PAG1: variants seen among roughly 807,000 people sequenced by gnomAD.
The protein encoded by PAG1 is phosphoprotein membrane anchor with glycosphingolipid microdomains 1.
A neutral mutation model predicts 31.7 loss-of-function variants in PAG1; 23 were observed. That is an observed-to-expected ratio of 0.73 (90% CI 0.52 to 1.03). PAG1 has a LOEUF of 1.03. Ranked by LOEUF, PAG1 falls within the 50% of genes least tolerant of loss-of-function variation. The pLI, the probability that PAG1 is intolerant of heterozygous loss-of-function variation, is 0.00. For synonymous variants in PAG1, 214 were observed against 210.3 expected (o/e 1.02, Z -0.15); for missense variants, 473 against 540.7 (o/e 0.87, Z 1.24).
chr8:81,091,273 C>T (rs139668808), intron 1 of PAG1, among the ~76,000 whole-genome samples: 2 of 152,040 alleles, frequency 1.3e-5, no homozygotes, highest in Middle Eastern at 3.4e-3. Flanking sequence ...TTGCACATGC[C>T]GAATTAGAGT....
intron 1 of PAG1, among the ~76,000 whole-genome samples, chr8:81,080,725 T>A (rs1490009042): frequency 1.3e-5 from 2 of 152,182 alleles, no homozygotes; most frequent in Non-Finnish European, 2.9e-5. Flanking sequence ...ATACTGCTAA[T>A]GTAAATTTAA....
chr8:81,052,639 T>C (rs1266069277), intron 2 of PAG1, among the ~76,000 whole-genome samples: 1 of 152,226 alleles, frequency 6.6e-6, no homozygotes, highest in Non-Finnish European at 1.5e-5. Context: ...ATATATTACA[T>C]AATCATTAAC....
At chr8:81,104,717 T>C (rs953515480) in intron 1 of PAG1, among the ~76,000 whole-genome samples, 1 of 152,092 alleles carries the variant, frequency 6.6e-6, no homozygotes, top group Admixed American at 6.5e-5. Flanking sequence ...TCTCCTTGCT[T>C]CTCCCCTTAA....
At position 80,993,245 on chromosome 8, in the gene PAG1, G is replaced by A; in HGVS notation, c.-18C>T. 1 of 1,593,646 alleles carries A rather than the reference G, an allele frequency of 6.3e-7. No individual in the cohort carries two copies. Among genetic ancestry groups the A allele is most frequent in the Non-Finnish European group, 8.5e-7 (1 of 1,171,240 alleles). ...GGCCCCATGGCAGGAGCAGGCACTGGCACCAGCCGAGGGAATCAGTCAGTC... is the reference window on the plus strand; with the variant it reads ...GGCCCCATGGCAGGAGCAGGCACTGACACCAGCCGAGGGAATCAGTCAGTC... On this transcript the variant is annotated 5_prime_UTR_variant, in exon 4 of 9. Coordinates refer to ENST00000220597, the MANE Select transcript of PAG1 (RefSeq NM_018440.4).
chr8:81,080,589 C>T (rs1231930063), intron 1 of PAG1, among the ~76,000 whole-genome samples: 1 of 152,098 alleles, frequency 6.6e-6, no homozygotes, highest in Non-Finnish European at 1.5e-5. Context: ...GAGGCAGTCC[C>T]TAAACATCCT....
At position 80,974,498 on chromosome 8, in the gene PAG1, T is replaced by C. The variant is rs191527498; in HGVS notation, c.*2046A>G. On this transcript the variant is annotated 3_prime_UTR_variant, in exon 9 of 9. Transcript: ENST00000220597. Reference sequence around the variant, plus strand: ...TTCTAATCAGTGATGATTGTGCTTATGCACACGACATCTTCATGGGAGAGA... The same window carrying C: ...TTCTAATCAGTGATGATTGTGCTTACGCACACGACATCTTCATGGGAGAGA... 1 of 152,372 alleles carries C rather than the reference T, an allele frequency of 6.6e-6. No individual in the cohort carries two copies. Among genetic ancestry groups the C allele is most frequent in the Non-Finnish European group, 1.5e-5 (1 of 68,040 alleles). The allele number at this position is 152,372 out of a possible 1,614,324, so 9.4% of individuals were successfully genotyped here. A position where few individuals can be genotyped will look rare whatever the true frequency, so the allele number is the denominator to read the frequency against.
rs569221351 is a variant in PAG1, at chr8:81,050,638, T to C, written c.-175+19474A>G. On this transcript the variant is annotated intron_variant, in intron 2 of 8. Transcript: ENST00000220597. ...CTGTATTTGTCTATAAGTTAATTCA[T>C]GTGCGGTAAATACATTTGGATTTAA... Among the ~76,000 whole-genome samples the C allele has an allele frequency of 1.5e-4, 23 of 152,340 alleles. No homozygotes were observed. In the South Asian group the frequency reaches 2.9e-3, roughly 19 times the overall value.
intron 2 of PAG1, among the ~76,000 whole-genome samples, chr8:81,052,409 G>A (rs1047332918): frequency 9.3e-6 from 1 of 107,272 alleles, no homozygotes; most frequent in Non-Finnish European, 1.8e-5. Context: ...TGACAAAAAC[G>A]GCATTGAGAC....
At chr8:81,039,380 G>A (rs1586181638) in intron 2 of PAG1, 1 of 152,222 alleles carries the variant, frequency 6.6e-6, no homozygotes, top group African/African-American at 2.4e-5. Flanking sequence ...TGGACACAGG[G>A]ACACCCACAC....
At chr8:81,108,351 T>C (rs1412820549) in intron 1 of PAG1, among the ~76,000 whole-genome samples, 3 of 152,218 alleles carry the variant, frequency 2.0e-5, no homozygotes, top group African/African-American at 7.2e-5. Context: ...AGGGGCTCTT[T>C]TGGGCACTTT....
At position 81,094,582 on chromosome 8, in the gene PAG1, A is replaced by G. The variant is rs141208873; in HGVS notation, c.-234+17009T>C. On this transcript the variant is annotated intron_variant, in intron 1 of 8. Coordinates refer to ENST00000220597, the MANE Select transcript of PAG1 (RefSeq NM_018440.4). ...CTTCTTTTATGGGAAAAAGAGGCCC[A>G]GAAACACCAATATTAAGATCCAAGC... Among the ~76,000 whole-genome samples, 414 of 152,316 alleles carry G rather than the reference A, an allele frequency of 2.7e-3. 3 individuals carry two copies. The highest frequency in any genetic ancestry group is 9.4e-3 in the African/African-American group (391 of 41,562).
chr8:81,026,632 A>C lies in PAG1; in HGVS notation c.-81+3364T>G, dbSNP rs934168335. Among the ~76,000 whole-genome samples, 23 of 152,126 alleles carry C rather than the reference A, an allele frequency of 1.5e-4. 1 individual carries two copies. The highest frequency in any genetic ancestry group is 5.3e-4 in the African/African-American group (22 of 41,482). On this transcript the variant is annotated intron_variant, in intron 3 of 8. Coordinates refer to ENST00000220597, the MANE Select transcript of PAG1 (RefSeq NM_018440.4). ...CCCAGCTGTCACTGGTGTGTGCTAAAGATCAGGTCTCAGTGGTTACCGGAA... is the reference window on the plus strand; with the variant it reads ...CCCAGCTGTCACTGGTGTGTGCTAACGATCAGGTCTCAGTGGTTACCGGAA...
intron 2 of PAG1, among the ~76,000 whole-genome samples, chr8:81,062,675 T>G (rs1432308662): frequency 6.7e-6 from 1 of 148,200 alleles, no homozygotes; most frequent in East Asian, 2.1e-4. Flanking sequence ...AACTTTATCC[T>G]CTCAACAGAA....
chr8:81,106,037 A>G (rs150847896), intron 1 of PAG1, among the ~76,000 whole-genome samples: 6 of 152,092 alleles, frequency 3.9e-5, no homozygotes, highest in Admixed American at 3.9e-4. Flanking sequence ...TTAGTGACCA[A>G]TTTTATTTTT....
chr8:81,026,506 G>A (rs924335758), intron 3 of PAG1, among the ~76,000 whole-genome samples: 10 of 150,450 alleles, frequency 6.6e-5, no homozygotes, highest in Admixed American at 4.6e-4. Flanking sequence ...ATCCTCCCCC[G>A]AGCCACGATG....
At chr8:81,014,861 G>A (rs915724238) in intron 3 of PAG1, among the ~76,000 whole-genome samples, 4 of 152,194 alleles carry the variant, frequency 2.6e-5, no homozygotes, top group Non-Finnish European at 4.4e-5. Flanking sequence ...GCAATCGGGC[G>A]GATAGAGGGC....
At chr8:81,111,021 T>G (rs1809764793) in intron 1 of PAG1, among the ~76,000 whole-genome samples, 1 of 152,236 alleles carries the variant, frequency 6.6e-6, no homozygotes, top group Non-Finnish European at 1.5e-5. Context: ...ATTCTTAAAG[T>G]GTATGAATTC....
chr8:81,110,400 G>A (rs897794344), intron 1 of PAG1, among the ~76,000 whole-genome samples: 1 of 152,260 alleles, frequency 6.6e-6, no homozygotes, highest in South Asian at 2.1e-4. Context: ...CCTTTTACAA[G>A]TTTAACCAAC....
chr8:81,009,409 G>C (rs754967700), intron 3 of PAG1, among the ~76,000 whole-genome samples: 1 of 151,930 alleles, frequency 6.6e-6, no homozygotes, highest in African/African-American at 2.4e-5. Flanking sequence ...AAGAATAAAA[G>C]GAAAAAGGAA....
Sources: allele counts gnomAD v4.1 joint callset (sites outside exome capture counted in the v4.1 genomes callset), GRCh38; gene constraint gnomAD v4.1.1; transcripts MANE v1.5; gene names NCBI Gene and HGNC (gene_info 2026-07-23, HGNC 2026-07-21).